Variants in MBNL2 observed in about 807,000 individuals in gnomAD.
MBNL2 encodes the protein muscleblind like splicing regulator 2.
A neutral mutation model predicts 41.9 loss-of-function variants in MBNL2; 17 were observed. The observed-to-expected ratio is 0.41, with a 90% CI of 0.28 to 0.61. MBNL2 has a LOEUF of 0.61. Ranked by LOEUF, MBNL2 falls within the 20% of genes least tolerant of loss-of-function variation. The pLI, the probability that MBNL2 is intolerant of heterozygous loss-of-function variation, is 0.35. For missense variants in MBNL2, 336 were observed against 505.6 expected (o/e 0.66, Z 3.22); for synonymous variants, 195 against 182.9 (o/e 1.07, Z -0.53).
chr13:97,187,529 T>G, the MBNL2 span, among the ~76,000 whole-genome samples: 17 of 133,944 alleles, frequency 1.3e-4, no homozygotes, highest in South Asian at 4.0e-3. Flanking sequence ...TACTGCCTAA[T>G]GTAATTAGGA....
At chr13:97,214,102 G>T in the MBNL2 span, among the ~76,000 whole-genome samples, 1 of 152,172 alleles carries the variant, frequency 6.6e-6, no homozygotes, top group Non-Finnish European at 1.5e-5. Flanking sequence ...TTAAAGAAAA[G>T]GTTATTAAAG....
At chr13:97,351,243 T>C (rs1392256984) in intron 5 of MBNL2, among the ~76,000 whole-genome samples, 2 of 152,250 alleles carry the variant, frequency 1.3e-5, no homozygotes, top group South Asian at 2.1e-4. Flanking sequence ...GTAAACCATG[T>C]TGTAAATACA....
the MBNL2 span, among the ~76,000 whole-genome samples, chr13:97,143,753 T>A: frequency 6.6e-6 from 1 of 152,386 alleles, no homozygotes; most frequent in East Asian, 1.9e-4. Flanking sequence ...TCTCTATATG[T>A]ATAAAGTATA....
intron 1 of MBNL2, among the ~76,000 whole-genome samples, chr13:97,258,223 A>G (rs1327281846): frequency 1.3e-5 from 2 of 148,378 alleles, no homozygotes; most frequent in Non-Finnish European, 3.0e-5. Context: ...TTTTTTTTTT[A>G]ATTCCTCTGA....
In MBNL2 at chr13:97,287,934, G is replaced by GT. The variant is rs1397865029; in HGVS notation, c.174+11529dup. On this transcript the variant is annotated intron_variant, in intron 2 of 8. Transcript: ENST00000679496. ...TAATTTTCTGTTTTTTTTTTGTTTT[G>GT]TTTTGTTTTTTTTTTTTTTAGTAGA... 7.5e-4 allele frequency among the ~76,000 whole-genome samples: 55 copies of GT among 73,636 alleles called. 1 individual carries two copies. Among genetic ancestry groups the GT allele is most frequent in the Non-Finnish European group, 1.0e-3 (36 of 34,554 alleles). 48.3% of individuals were successfully genotyped at this position (73,636 alleles called of 152,430 possible).
At chr13:97,317,885 T>C (rs1228830622) in intron 2 of MBNL2, among the ~76,000 whole-genome samples, 1 of 152,058 alleles carries the variant, frequency 6.6e-6, no homozygotes, top group African/African-American at 2.4e-5. Context: ...CTTTCTTCCC[T>C]TCCATTCATG....
chr13:97,267,826 C>T (rs1345547429), intron 1 of MBNL2, among the ~76,000 whole-genome samples: 1 of 152,188 alleles, frequency 6.6e-6, no homozygotes, highest in Non-Finnish European at 1.5e-5. Flanking sequence ...ACAATTGTTT[C>T]TAGGGAAATC....
chr13:97,228,368 G>GA (rs947555210), intron 1 of MBNL2, among the ~76,000 whole-genome samples: 3 of 151,246 alleles, frequency 2.0e-5, no homozygotes, highest in Non-Finnish European at 4.4e-5. Context: ...TTCATTTGCA[G>GA]AAAAAAAAGC....
intron 1 of MBNL2, among the ~76,000 whole-genome samples, chr13:97,229,321 G>A (rs2042075196): frequency 1.3e-5 from 2 of 151,780 alleles, no homozygotes; most frequent in Non-Finnish European, 2.9e-5. Context: ...CTGAATGGAT[G>A]TATTTGGTCT....
chr13:97,356,551 T>A (rs2063005198), intron 5 of MBNL2, among the ~76,000 whole-genome samples: 1 of 152,256 alleles, frequency 6.6e-6, no homozygotes, highest in African/African-American at 2.4e-5. Context: ...GTATAGTAGA[T>A]GCATTTTTGC....
chr13:97,348,096 T>TTTTAA (rs1209408137), intron 5 of MBNL2, among the ~76,000 whole-genome samples: 2 of 137,398 alleles, frequency 1.5e-5, no homozygotes, highest in Non-Finnish European at 3.1e-5. Flanking sequence ...TTTTTTTTTT[T>TTTTAA]AAGACAAGGT....
rs763473330 is a variant in MBNL2 at position 97,343,179 on chromosome 13, C to A, written c.503C>A (p.Thr168Asn). The change falls in exon 4 of 9, where the codon ACT (threonine) becomes AAT (asparagine). Residue 168 changes from threonine to asparagine, a missense_variant. Physicochemically the swap from Thr to Asn is moderately conservative, Grantham distance 65. Transcript: ENST00000679496. ...GSPPVTVPGSTATQKLLRTDK... is the reference protein window; with the variant it reads ...GSPPVTVPGSNATQKLLRTDK... ...CCACCGGTCACTGTCCCGGGCTCAACTGCAACTCAGAAACTTCTCAGGACT... is the reference window on the plus strand; with the variant it reads ...CCACCGGTCACTGTCCCGGGCTCAAATGCAACTCAGAAACTTCTCAGGACT... 1 of 1,612,988 alleles carries A rather than the reference C, an allele frequency of 6.2e-7. No homozygotes were observed. The highest frequency in any genetic ancestry group is 8.5e-7 in the Non-Finnish European group (1 of 1,179,570).
At chr13:97,316,856 C>T (rs1313228206) in intron 2 of MBNL2, among the ~76,000 whole-genome samples, 2 of 152,304 alleles carry the variant, frequency 1.3e-5, no homozygotes, top group East Asian at 1.9e-4. Context: ...TGTCTGTCTC[C>T]CCTAACTAGA....
At chr13:97,239,532 T>C (rs906750542) in intron 1 of MBNL2, among the ~76,000 whole-genome samples, 8 of 152,330 alleles carry the variant, frequency 5.3e-5, no homozygotes, top group African/African-American at 1.9e-4. Flanking sequence ...GAAAAATGAA[T>C]GCATTTTCCC....
chr13:97,368,093 T>TTATTACAAAGTCCTTTTA (rs1303141978), intron 8 of MBNL2, among the ~76,000 whole-genome samples: 14 of 152,196 alleles, frequency 9.2e-5, no homozygotes, highest in Non-Finnish European at 1.5e-4. Context: ...GACCCAATTT[T>TTATTACAAAGTCCTTTTA]TATTACAAAG....
intron 2 of MBNL2, among the ~76,000 whole-genome samples, chr13:97,322,305 TC>T (rs1339758067): frequency 2.6e-5 from 4 of 152,038 alleles, no homozygotes; most frequent in Non-Finnish European, 4.4e-5. Flanking sequence ...AAGTGCAGCT[TC>T]CCCCTGCTGC....
At chr13:97,284,308 G>A (rs1208202512) in intron 2 of MBNL2, among the ~76,000 whole-genome samples, 4 of 152,186 alleles carry the variant, frequency 2.6e-5, no homozygotes, top group African/African-American at 4.8e-5. Context: ...GAGAGGGGTG[G>A]AAACCAGTTC....
chr13:97,379,783 A>G (rs2065270193), intron 8 of MBNL2, among the ~76,000 whole-genome samples: 2 of 152,208 alleles, frequency 1.3e-5, no homozygotes, highest in South Asian at 4.1e-4. Context: ...GGCAGGTTTC[A>G]TTTGGAATGA....
At chr13:97,275,264 T>C (rs1282560599) in intron 1 of MBNL2, among the ~76,000 whole-genome samples, 2 of 152,200 alleles carry the variant, frequency 1.3e-5, no homozygotes, top group East Asian at 3.8e-4. Flanking sequence ...CAAATAATTG[T>C]TTATAGCATT....
Sources: gnomAD v4.1 joint callset for allele counts (sites outside exome capture counted in the v4.1 genomes callset) on GRCh38, gnomAD v4.1.1 for gene constraint, MANE v1.5 for transcripts, NCBI Gene and HGNC (gene_info 2026-07-23, HGNC 2026-07-21) for gene names.